Variants in IQCJ observed in about 807,000 individuals in gnomAD.
IQCJ encodes the protein IQ domain-containing protein J.
IQCJ carries 9 observed loss-of-function variants against 11.0 expected under a neutral mutation model. The ratio of observed to expected loss-of-function variants is 0.82; its 90% CI spans 0.49 to 1.43. IQCJ has a LOEUF of 1.43. IQCJ is among the 40% of genes most tolerant of loss of function. The probability of loss-of-function intolerance (pLI) is 0.00; values close to 1 mark genes in which losing one functional copy is unlikely to be tolerated. For missense variants in IQCJ, 146 were observed against 133.2 expected (o/e 1.10, Z -0.47); for synonymous variants, 55 against 51.3 (o/e 1.07, Z -0.31).
intron 1 of IQCJ, among the ~76,000 whole-genome samples, chr3:159,118,164 T>C (rs778739518): frequency 6.6e-6 from 1 of 152,144 alleles, no homozygotes; most frequent in Non-Finnish European, 1.5e-5. Context: ...AATTTTAAGG[T>C]ACTAAACTCA....
At chr3:159,264,637 A>T (rs1173821956), downstream of IQCJ, among the ~76,000 whole-genome samples, 1 of 152,136 alleles carries the variant, frequency 6.6e-6, no homozygotes, top group Non-Finnish European at 1.5e-5. Flanking sequence ...GCCTATAAAA[A>T]GTGAGAATCA....
rs141300886 is a variant in IQCJ, at chr3:159,092,984, A to G, written c.9+23543A>G. Among the ~76,000 whole-genome samples, 180 of 151,726 alleles carry G rather than the reference A, an allele frequency of 1.2e-3. 9 individuals are homozygous for G. The highest frequency in any genetic ancestry group is 4.3e-3 in the African/African-American group (177 of 41,128). ...TAGACTGTTAATTTATTGGTGACTTATTTGGACTTTCCTTATTTCTCAAGG... is the reference window on the plus strand; with the variant it reads ...TAGACTGTTAATTTATTGGTGACTTGTTTGGACTTTCCTTATTTCTCAAGG... On this transcript the variant is annotated intron_variant, in intron 1 of 3. Coordinates refer to ENST00000397832, the MANE Select transcript of IQCJ (RefSeq NM_001042706.3).
chr3:159,233,343 G>A (rs564345264), intron 1 of IQCJ, among the ~76,000 whole-genome samples: 1 of 152,228 alleles, frequency 6.6e-6, no homozygotes, highest in African/African-American at 2.4e-5. Context: ...GATGAGTTTG[G>A]CATTTCAGGT....
intron 1 of IQCJ, among the ~76,000 whole-genome samples, chr3:159,193,580 G>A (rs921640124): frequency 2.6e-5 from 4 of 152,144 alleles, no homozygotes; most frequent in Non-Finnish European, 5.9e-5. Context: ...CCATGTTGGT[G>A]GATCAAAGAT....
chr3:159,108,316 G>A (rs146388192), intron 1 of IQCJ, among the ~76,000 whole-genome samples: 38 of 152,004 alleles, frequency 2.5e-4, no homozygotes, highest in African/African-American at 8.2e-4. Flanking sequence ...TTAATCATTC[G>A]TTCCTTATAA....
At chr3:159,077,797 T>G (rs533125829) in intron 1 of IQCJ, among the ~76,000 whole-genome samples, 1 of 152,228 alleles carries the variant, frequency 6.6e-6, no homozygotes, top group South Asian at 2.1e-4. Flanking sequence ...TATATTGCTT[T>G]TACAACTTAA....
chr3:159,144,476 C>A (rs1720809423), intron 1 of IQCJ, among the ~76,000 whole-genome samples: 1 of 152,134 alleles, frequency 6.6e-6, no homozygotes. Flanking sequence ...CACCAGTCCT[C>A]ATAAATCCTC....
At chr3:159,077,761 C>A (rs1201028869) in intron 1 of IQCJ, among the ~76,000 whole-genome samples, 1 of 151,726 alleles carries the variant, frequency 6.6e-6, no homozygotes, top group African/African-American at 2.4e-5. Flanking sequence ...CTTTATGTAC[C>A]CTCTTTGAAT....
intron 1 of IQCJ, among the ~76,000 whole-genome samples, chr3:159,209,529 T>G (rs4679855): frequency 0.15 from 23,539 of 152,098 alleles, 2,098 homozygotes; most frequent in Admixed American, 0.21. Context: ...TCCACTGAGC[T>G]GGTTAACACT....
chr3:159,262,507 A>G (rs1728268726), intron 3 of IQCJ, 41 bp from the exon 4 acceptor site: 1 of 1,601,848 alleles, frequency 6.2e-7, no homozygotes, highest in African/African-American at 1.3e-5. Flanking sequence ...TCCAACAGTA[A>G]TCATGTGTGT....
intron 1 of IQCJ, among the ~76,000 whole-genome samples, chr3:159,215,449 G>A (rs921033915): frequency 4.6e-5 from 7 of 152,068 alleles, no homozygotes; most frequent in Non-Finnish European, 8.8e-5. Context: ...CATATTTTCC[G>A]ATACTTTGTT....
At chr3:159,102,097 T>C (rs756422489) in intron 1 of IQCJ, among the ~76,000 whole-genome samples, 7 of 152,240 alleles carry the variant, frequency 4.6e-5, no homozygotes, top group Non-Finnish European at 8.8e-5. Context: ...GTCAAAAGCA[T>C]GTTCACCTAA....
intron 2 of IQCJ, among the ~76,000 whole-genome samples, chr3:159,249,472 A>G (rs898473833): frequency 2.6e-5 from 4 of 152,176 alleles, no homozygotes; most frequent in African/African-American, 7.2e-5. Context: ...ACATGGGCCC[A>G]TGGGGGTAAC....
At chr3:159,257,600 G>A (rs536514074) in intron 3 of IQCJ, among the ~76,000 whole-genome samples, 11 of 152,286 alleles carry the variant, frequency 7.2e-5, no homozygotes, top group Admixed American at 6.5e-5. Context: ...AGAGAGGGCA[G>A]TTTCTGTGGG....
At chr3:159,104,716 A>G (rs1718144289) in intron 1 of IQCJ, among the ~76,000 whole-genome samples, 1 of 151,830 alleles carries the variant, frequency 6.6e-6, no homozygotes, top group African/African-American at 2.4e-5. Context: ...GATCTTTGCA[A>G]CTCCTGTTTG....
At chr3:159,198,264 C>A (rs1252603802) in intron 1 of IQCJ, among the ~76,000 whole-genome samples, 3 of 152,070 alleles carry the variant, frequency 2.0e-5, no homozygotes, top group African/African-American at 7.2e-5. Context: ...CATTTCCTTG[C>A]AGAGGCAAGT....
chr3:159,212,330 C>T (rs528914828), intron 1 of IQCJ, among the ~76,000 whole-genome samples: 9 of 152,236 alleles, frequency 5.9e-5, no homozygotes, highest in African/African-American at 2.2e-4. Flanking sequence ...TGCCAGTCAA[C>T]CTTGGCACCT....
chr3:159,245,517 A>G (rs1482275837), intron 1 of IQCJ, among the ~76,000 whole-genome samples: 1 of 135,744 alleles, frequency 7.4e-6, no homozygotes, highest in Non-Finnish European at 1.5e-5. Flanking sequence ...GCTGGAGTGC[A>G]GTGGCGCAAT....
chr3:159,161,099 A>G (rs1375479964), intron 1 of IQCJ, among the ~76,000 whole-genome samples: 3 of 152,236 alleles, frequency 2.0e-5, no homozygotes, highest in African/African-American at 7.2e-5. Context: ...TCCCTGAGGA[A>G]TCGCCACATC....
Sources: gnomAD v4.1 joint callset for allele counts (sites outside exome capture counted in the v4.1 genomes callset) on GRCh38, gnomAD v4.1.1 for gene constraint, MANE v1.5 for transcripts, NCBI Gene and HGNC (gene_info 2026-07-23, HGNC 2026-07-21) for gene names.